RBM33: variants seen among roughly 807,000 people sequenced by gnomAD.
The protein encoded by RBM33 is RNA binding motif protein 33, also known as RNA-binding protein 33.
RBM33 carries 28 observed loss-of-function variants against 132.6 expected under a neutral mutation model. The ratio of observed to expected loss-of-function variants is 0.21; its 90% confidence interval spans 0.16 to 0.29. RBM33 has a LOEUF of 0.29. Among genes scored for constraint, RBM33 ranks in the 10% least tolerant of loss-of-function variants. RBM33 has a pLI of 1.00. For missense variants in RBM33, 1,291 were observed against 1,518.5 expected, an observed-to-expected ratio of 0.85 and a Z score of 2.49; for synonymous variants, 634 against 593.0, an observed-to-expected ratio of 1.07 and a Z score of -1.01.
intron 1 of RBM33, among the ~76,000 whole-genome samples, chr7:155,653,704 C>T (rs965188050): frequency 6.6e-6 from 1 of 152,208 alleles, no homozygotes; most frequent in African/African-American, 2.4e-5. Context: ...ACCCTTCAGA[C>T]TGGCCCTGTG....
intron 1 of RBM33, among the ~76,000 whole-genome samples, chr7:155,654,824 A>G (rs1481760500): frequency 6.6e-6 from 1 of 152,202 alleles, no homozygotes; most frequent in African/African-American, 2.4e-5. Flanking sequence ...TAAAAATTTT[A>G]TATATTGTCC....
chr7:155,654,799 AACTT>A (rs1798447770), intron 1 of RBM33, among the ~76,000 whole-genome samples: 1 of 152,208 alleles, frequency 6.6e-6, no homozygotes, highest in Admixed American at 6.5e-5. Context: ...CATAATATGA[AACTT>A]AATACTTCAT....
intron 9 of RBM33, among the ~76,000 whole-genome samples, chr7:155,724,990 T>TTTGTG (rs71186056): frequency 8.1e-6 from 1 of 123,290 alleles, no homozygotes; most frequent in African/African-American, 3.4e-5. Context: ...GTGTACAGGT[T>TTTGTG]TGTGTGTGTG....
chr7:155,767,007 T>G (rs190392060), intron 16 of RBM33: 2 of 258,160 alleles, frequency 7.7e-6, no homozygotes, highest in Admixed American at 1.1e-4. Flanking sequence ...CATTACATTT[T>G]AAAGTATTTA....
intron 1 of RBM33, among the ~76,000 whole-genome samples, chr7:155,658,457 G>T (rs1798551991): frequency 7.2e-6 from 1 of 139,304 alleles, no homozygotes; most frequent in South Asian, 2.2e-4. Flanking sequence ...GCGTGATCTT[G>T]GCCCACTGCA....
At position 155,711,291 on chromosome 7, in the gene RBM33, C is replaced by G; in HGVS notation, c.1037C>G (p.Pro346Arg). 6.2e-7 allele frequency: 1 copy of G among 1,606,348 alleles called. No homozygotes were observed. The highest frequency in any genetic ancestry group is 8.5e-7 in the Non-Finnish European group (1 of 1,176,714). ...CCGCAGCCGCTGCAGCCGCTGCTTC[C>G]GGTGCAGCACCCGCACCACCCATCC... ...FQPQPLQPLL[P>R]VQHPHHPSPP... is the part of the protein sequence containing the mutation. The change falls in exon 8 of 18, where the codon CCG (proline) becomes CGG (arginine). Residue 346 changes from proline (P) to arginine (R), a missense_variant. Physicochemically the swap from Pro to Arg is moderately radical, Grantham distance 103. Around this residue, in one of 7 missense-constraint regions of RBM33, gnomAD observed 146 missense variants for 137.1 expected, o/e 1.07. Coordinates refer to ENST00000401878, the MANE Select transcript of RBM33 (RefSeq NM_053043.3).
At chr7:155,756,980 G>A (rs545280423) in intron 14 of RBM33, among the ~76,000 whole-genome samples, 1 of 152,298 alleles carries the variant, frequency 6.6e-6, no homozygotes, top group South Asian at 2.1e-4. Context: ...ATGCCATTCA[G>A]AGTAACGCTT....
chr7:155,702,148 A>C (rs1034829497), intron 6 of RBM33, among the ~76,000 whole-genome samples: 1 of 152,158 alleles, frequency 6.6e-6, no homozygotes, highest in Non-Finnish European at 1.5e-5. Context: ...AAGAATCAAG[A>C]CTTACCTTTC....
chr7:155,739,901 C>G lies in RBM33; in HGVS notation c.1924C>G (p.Leu642Val). ...CCAGCACCACCACCACCACCACCAC[C>G]TGTCCGTCCCGCCCCCTCCTTTGAT... ...QHQHHHHHHH[L>V]SVPPPPLMPM... Residue 642 changes from leucine to valine, a missense_variant, in exon 12 of 18, where the codon CTG becomes GTG. By Grantham distance (32) the Leu-to-Val change is conservative (BLOSUM62 1). Around this residue, in one of 7 missense-constraint regions of RBM33, gnomAD observed 841 missense variants for 912.0 expected, o/e 0.92. Transcript: ENST00000401878. 1 of 1,550,300 alleles carries G rather than the reference C, an allele frequency of 6.5e-7. No homozygotes were observed. Among genetic ancestry groups the G allele is most frequent in the Non-Finnish European group, 8.7e-7 (1 of 1,146,736 alleles).
intron 6 of RBM33, among the ~76,000 whole-genome samples, chr7:155,701,682 T>G (rs752264627): frequency 1.2e-4 from 19 of 152,130 alleles, no homozygotes; most frequent in Non-Finnish European, 2.5e-4. Context: ...CCCAAAAAAG[T>G]TGTATTTTTT....
At chr7:155,753,576 A>G (rs1269732474) in intron 14 of RBM33, among the ~76,000 whole-genome samples, 2 of 152,224 alleles carry the variant, frequency 1.3e-5, no homozygotes, top group African/African-American at 2.4e-5. Context: ...GAGAGGGGCC[A>G]GATAGAAGCG....
At chr7:155,773,105 A>T (rs1348612241) in intron 16 of RBM33, among the ~76,000 whole-genome samples, 1 of 152,172 alleles carries the variant, frequency 6.6e-6, no homozygotes, top group African/African-American at 2.4e-5. Flanking sequence ...TTTTCAAGGG[A>T]TCATGTGCTG....
intron 14 of RBM33, among the ~76,000 whole-genome samples, chr7:155,761,490 T>G (rs917904891): frequency 4.6e-5 from 7 of 152,256 alleles, no homozygotes; most frequent in Admixed American, 3.3e-4. Flanking sequence ...TTCTTAGAGT[T>G]CTATTCGTAT....
intron 3 of RBM33, among the ~76,000 whole-genome samples, chr7:155,677,865 G>A (rs917059935): frequency 6.6e-6 from 1 of 152,158 alleles, no homozygotes; most frequent in Non-Finnish European, 1.5e-5. Context: ...CTTTCGTGAA[G>A]GGAGTAGTAA....
intron 5 of RBM33, among the ~76,000 whole-genome samples, chr7:155,696,243 T>C (rs1375135781): frequency 6.6e-6 from 1 of 152,240 alleles, no homozygotes; most frequent in Non-Finnish European, 1.5e-5. Flanking sequence ...AATTTCTGTA[T>C]AAATTGTGGA....
intron 8 of RBM33, among the ~76,000 whole-genome samples, chr7:155,716,892 A>G (rs997559608): frequency 1.3e-5 from 2 of 152,202 alleles, no homozygotes; most frequent in African/African-American, 4.8e-5. Flanking sequence ...ATTTTATAAA[A>G]GTAAGTTTTG....
At chr7:155,729,080 C>T (rs1311762421) in intron 9 of RBM33, among the ~76,000 whole-genome samples, 1 of 151,908 alleles carries the variant, frequency 6.6e-6, no homozygotes, top group Non-Finnish European at 1.5e-5. Flanking sequence ...AGGAAACTTA[C>T]AATCATGACA....
At chr7:155,725,036 G>GTGTGTA (rs1491404108) in intron 9 of RBM33, among the ~76,000 whole-genome samples, 3 of 140,562 alleles carry the variant, frequency 2.1e-5, no homozygotes, top group Admixed American at 2.1e-4. Context: ...GTGTGTGTGT[G>GTGTGTA]TACAGATTTT....
At chr7:155,763,743 C>T (rs1335423683) in intron 14 of RBM33, 69 bp from the exon 15 acceptor site, 4 of 1,450,094 alleles carry the variant, frequency 2.8e-6, no homozygotes, top group African/African-American at 2.8e-5. Flanking sequence ...AGGTGGGCTT[C>T]CTAATGCTGG....
Sources: gnomAD v4.1 joint callset for allele counts (sites outside exome capture counted in the v4.1 genomes callset) on GRCh38, gnomAD v4.1.1 for gene constraint, gnomAD v4.1.1 regional missense constraint, MANE v1.5 for transcripts, NCBI Gene and HGNC (gene_info 2026-07-23, HGNC 2026-07-21) for gene names.